Variants in AGMO observed in about 807,000 individuals in gnomAD.
The protein encoded by AGMO is glyceryl-ether monooxygenase.
A neutral mutation model predicts 60.2 loss-of-function variants in AGMO; 75 were observed. That is an observed-to-expected ratio of 1.25 (90% CI 1.03 to 1.51). The LOEUF (loss-of-function observed/expected upper bound fraction) is 1.51, where lower values mean the gene tolerates loss of function less well. AGMO is among the 40% of genes most tolerant of loss of function. The pLI is 0.00. For synonymous variants in AGMO, 261 were observed against 177.1 expected (o/e 1.47, Z -3.76); for missense variants, 763 against 525.5 (o/e 1.45, Z -4.42).
intron 5 of AGMO, among the ~76,000 whole-genome samples, chr7:15,405,154 AC>A (rs375555301): frequency 2.0e-5 from 3 of 151,926 alleles, no homozygotes; most frequent in African/African-American, 7.2e-5. Context: ...TATTATTAAT[AC>A]ATCCATTCTG....
At position 15,522,365 on chromosome 7, in the gene AGMO, G is replaced by C. The variant is rs564718618; in HGVS notation, c.409+22407C>G. Among the ~76,000 whole-genome samples the C allele has an allele frequency of 1.1e-4, 17 of 152,152 alleles. No individual in the cohort carries two copies. The South Asian group carries it at 3.5e-3, about 32-fold the overall frequency. On this transcript the variant is annotated intron_variant, in intron 3 of 12. Coordinates refer to ENST00000342526, the MANE Select transcript of AGMO (RefSeq NM_001004320.2). ...AAAAAAACTATTTTAAATTTCATAT[G>C]GAACCAAAAAAGAGCCTGTATAGCC...
the AGMO span, among the ~76,000 whole-genome samples, chr7:15,148,829 T>C: frequency 6.6e-6 from 1 of 152,020 alleles, no homozygotes; most frequent in Non-Finnish European, 1.5e-5. Context: ...TTTTGGGGAG[T>C]ATATACCCAG....
chr7:15,144,596 G>A, the AGMO span, among the ~76,000 whole-genome samples: 1 of 152,166 alleles, frequency 6.6e-6, no homozygotes, highest in Non-Finnish European at 1.5e-5. Context: ...TTAGTCAGGA[G>A]CAATAAATGC....
chr7:15,342,172 TAAAAAAAA>T lies in AGMO; in HGVS notation c.1263+23334_1263+23341del, dbSNP rs775057626. 0.022 allele frequency among the ~76,000 whole-genome samples: 1,181 copies of T among 54,322 alleles called. 109 individuals carry two copies. The East Asian group carries it at 0.3, about 14-fold the overall frequency. The allele number at this position is 54,322 out of a possible 152,430, so 35.6% of individuals were successfully genotyped here. A position where few individuals can be genotyped will look rare whatever the true frequency, so the allele number is the denominator to read the frequency against. ...AGCTGAGAGTAGATACCCACAGAGT[TAAAAAAAA>T]AAAAAAAAAAAAAAAAGGACTAAGT... is the stretch of plus-strand genomic sequence containing the variant. On this transcript the variant is annotated intron_variant, in intron 12 of 12. Coordinates refer to ENST00000342526, the MANE Select transcript of AGMO (RefSeq NM_001004320.2).
chr7:15,547,189 A>T (rs114132252), intron 2 of AGMO, among the ~76,000 whole-genome samples: 1,910 of 150,748 alleles, frequency 0.013, 26 homozygotes, highest in African/African-American at 0.043. Flanking sequence ...CTTCCTTCTC[A>T]CCTCAGCTAT....
At chr7:15,464,773 A>C (rs1476999763) in intron 3 of AGMO, among the ~76,000 whole-genome samples, 1 of 152,224 alleles carries the variant, frequency 6.6e-6, no homozygotes, top group Non-Finnish European at 1.5e-5. Context: ...AAAAAGAGTC[A>C]CCAAGTCTGA....
rs949446104 is a variant in AGMO at position 15,509,901 on chromosome 7, A to T, written c.409+34871T>A. 6.4e-4 allele frequency among the ~76,000 whole-genome samples: 97 copies of T among 152,332 alleles called. 3 individuals carry two copies. The highest frequency in any genetic ancestry group is 6.3e-3 in the Admixed American group (96 of 15,296). ...TAGGATGGCCAGTATATATATTTTT[A>T]AAAGGCAGTAGATAACAAGTATTGG... is the stretch of plus-strand genomic sequence containing the variant. On this transcript the variant is annotated intron_variant, in intron 3 of 12. Transcript: ENST00000342526.
chr7:15,136,853 G>C, the AGMO span, among the ~76,000 whole-genome samples: 35 of 151,142 alleles, frequency 2.3e-4, no homozygotes, highest in African/African-American at 8.3e-4. Context: ...ATCCTCCTGT[G>C]GGATGGTTTA....
At chr7:15,184,193 A>G in the AGMO span, among the ~76,000 whole-genome samples, 2 of 151,920 alleles carry the variant, frequency 1.3e-5, no homozygotes, top group Non-Finnish European at 1.5e-5. Context: ...AAGAAATTAA[A>G]ATGTCATATT....
intron 12 of AGMO, among the ~76,000 whole-genome samples, chr7:15,291,639 C>A (rs1334450217): frequency 2.0e-5 from 3 of 152,078 alleles, no homozygotes; most frequent in African/African-American, 7.2e-5. Context: ...CTTTTTGATG[C>A]TAAGAACCCT....
At chr7:15,171,792 A>G in the AGMO span, among the ~76,000 whole-genome samples, 12 of 152,322 alleles carry the variant, frequency 7.9e-5, no homozygotes, top group Admixed American at 7.2e-4. Context: ...TATTATAAAC[A>G]CTGCAATAAA....
chr7:15,216,136 A>C (rs1210990405), intron 12 of AGMO, among the ~76,000 whole-genome samples: 1 of 152,048 alleles, frequency 6.6e-6, no homozygotes, highest in Non-Finnish European at 1.5e-5. Flanking sequence ...TTTCAACATA[A>C]ATCAGGGTCA....
At chr7:15,195,895 T>G (rs1208257848), downstream of AGMO, among the ~76,000 whole-genome samples, 1 of 152,174 alleles carries the variant, frequency 6.6e-6, no homozygotes, top group African/African-American at 2.4e-5. Context: ...ACAGGACCTA[T>G]GGTGACAATA....
chr7:15,412,083 T>C (rs1240568289), intron 5 of AGMO, among the ~76,000 whole-genome samples: 1 of 152,190 alleles, frequency 6.6e-6, no homozygotes, highest in African/African-American at 2.4e-5. Flanking sequence ...TTCTTCTCTT[T>C]ATCTGTTAGC....
At chr7:15,386,915 G>C (rs1338906595) in intron 9 of AGMO, among the ~76,000 whole-genome samples, 1 of 152,052 alleles carries the variant, frequency 6.6e-6, no homozygotes, top group Non-Finnish European at 1.5e-5. Flanking sequence ...GCATTTAATT[G>C]TTCTACTCTA....
At chr7:15,236,331 A>T (rs927012945) in intron 12 of AGMO, among the ~76,000 whole-genome samples, 2 of 152,146 alleles carry the variant, frequency 1.3e-5, no homozygotes, top group African/African-American at 4.8e-5. Context: ...AACTACATAA[A>T]AACTACATTA....
chr7:15,223,464 T>TATTCA (rs1299900347), intron 12 of AGMO, among the ~76,000 whole-genome samples: 2 of 152,016 alleles, frequency 1.3e-5, no homozygotes, highest in Non-Finnish European at 2.9e-5. Flanking sequence ...TTAAAGATTC[T>TATTCA]ATTCAATGAG....
the AGMO span, among the ~76,000 whole-genome samples, chr7:15,151,510 C>T: frequency 6.6e-6 from 1 of 151,978 alleles, no homozygotes; most frequent in Non-Finnish European, 1.5e-5. Flanking sequence ...GTATATTGTA[C>T]TTTGTTTTCA....
chr7:15,166,933 A>G, the AGMO span, among the ~76,000 whole-genome samples: 2 of 152,192 alleles, frequency 1.3e-5, no homozygotes, highest in Non-Finnish European at 2.9e-5. Context: ...GAAATGCTGA[A>G]TTCAAAAGGG....
Sources: allele counts gnomAD v4.1 joint callset (sites outside exome capture counted in the v4.1 genomes callset), GRCh38; gene constraint gnomAD v4.1.1; transcripts MANE v1.5; gene names NCBI Gene and HGNC (gene_info 2026-07-23, HGNC 2026-07-21).